The following SIPA1L3 variants were observed in gnomAD, a reference collection of about 807,000 sequenced individuals.
SIPA1L3 encodes the protein signal induced proliferation associated 1 like 3.
Under a neutral mutation model 150.1 loss-of-function variants are expected in SIPA1L3, and 59 were observed. That is an observed-to-expected ratio of 0.39 (90% CI 0.32 to 0.49). SIPA1L3 has a LOEUF of 0.49. Ranked by LOEUF, SIPA1L3 falls within the 20% of genes least tolerant of loss-of-function variation. The pLI is 0.86. For synonymous variants in SIPA1L3, 1,070 were observed against 1,077.6 expected (o/e 0.99, Z 0.14); for missense variants, 2,211 against 2,489.5 (o/e 0.89, Z 2.38).
intron 2 of SIPA1L3, among the ~76,000 whole-genome samples, chr19:38,077,969 C>A (rs371591953): frequency 6.6e-6 from 1 of 152,090 alleles, no homozygotes; most frequent in Admixed American, 6.5e-5. Context: ...CTGCGCCTGG[C>A]CAATATTTTT....
intron 1 of SIPA1L3, among the ~76,000 whole-genome samples, chr19:38,015,324 C>T (rs1443977135): frequency 2.6e-5 from 4 of 152,104 alleles, no homozygotes; most frequent in Admixed American, 6.6e-5. Flanking sequence ...TTACTGATGA[C>T]GAAGCAATGA....
Position 38,164,828 on chromosome 19 carries a change from G to C in SIPA1L3, c.4130G>C (p.Arg1377Pro). 1.2e-6 allele frequency: 2 copies of C among 1,608,698 alleles called. No individual in the cohort carries two copies. The highest frequency in any genetic ancestry group is 1.1e-5 in the South Asian group (1 of 90,624). Residue 1377 changes from arginine to proline, a missense_variant, in exon 15 of 22, where the codon CGA (arginine) becomes CCA (proline). Arg to Pro is a moderately radical substitution (Grantham distance 103). This residue lies in a region of SIPA1L3 where 806 missense variants were observed against 870.1 expected (regional missense o/e 0.93). Coordinates refer to ENST00000222345, the MANE Select transcript of SIPA1L3 (RefSeq NM_015073.3). The surrounding 1 kb of genome is among the most constrained non-coding windows in gnomAD (Gnocchi z 4.1). ...PAVAGQSKGYRPKLYSSGSST... is the reference protein window; with the variant it reads ...PAVAGQSKGYPPKLYSSGSST... ...GTTGCCGGCCAAAGCAAGGGCTACC[G>C]ACCGAAGCTGTACTCCTCCGGCTCC...
intron 7 of SIPA1L3, 94 bp downstream of exon 7, chr19:38,106,734 G>C: frequency 1.2e-6 from 1 of 842,192 alleles, no homozygotes; most frequent in Middle Eastern, 2.2e-4. Flanking sequence ...ATCATATGGA[G>C]GCCCTTGACC....
chr19:38,009,709 G>C (rs566321005), intron 1 of SIPA1L3, among the ~76,000 whole-genome samples: 2 of 152,074 alleles, frequency 1.3e-5, no homozygotes, highest in Non-Finnish European at 2.9e-5. Flanking sequence ...ATGCTAAGCC[G>C]CAGACCTGTG....
At chr19:38,092,852 A>ATTTTTT (rs56232582) in intron 4 of SIPA1L3, among the ~76,000 whole-genome samples, 4 of 115,952 alleles carry the variant, frequency 3.4e-5, no homozygotes, top group Non-Finnish European at 5.2e-5. Flanking sequence ...AGGTGCTTAG[A>ATTTTTT]TTTTTTTTTT....
chr19:38,013,405 GAA>G (rs1021144947), intron 1 of SIPA1L3, among the ~76,000 whole-genome samples: 1 of 148,486 alleles, frequency 6.7e-6, no homozygotes, highest in African/African-American at 2.5e-5. Context: ...AGCATGGGCT[GAA>G]AAAAAAAAGT....
intron 1 of SIPA1L3, among the ~76,000 whole-genome samples, chr19:37,931,984 G>C (rs1448823605): frequency 6.6e-6 from 1 of 152,248 alleles, no homozygotes; most frequent in Non-Finnish European, 1.5e-5. Flanking sequence ...ACAGCGCCTT[G>C]TGCAGTGAGC....
At chr19:38,167,052 G>T (rs1162902983) in intron 15 of SIPA1L3, among the ~76,000 whole-genome samples, 1 of 152,060 alleles carries the variant, frequency 6.6e-6, no homozygotes, top group Admixed American at 6.6e-5. Flanking sequence ...GGCCAACATG[G>T]TGAAACCCCA....
chr19:38,029,369 C>A (rs550442801), intron 2 of SIPA1L3, among the ~76,000 whole-genome samples: 1 of 152,144 alleles, frequency 6.6e-6, no homozygotes, highest in South Asian at 2.1e-4. Flanking sequence ...CACAAACATT[C>A]CTACATGCAC....
At chr19:37,942,706 G>A (rs935842497) in intron 1 of SIPA1L3, among the ~76,000 whole-genome samples, 4 of 152,022 alleles carry the variant, frequency 2.6e-5, no homozygotes, top group Admixed American at 6.6e-5. Context: ...GTAGAGTCCC[G>A]GATGAGAGTG....
At chr19:37,925,808 G>T (rs1210766379) in intron 1 of SIPA1L3, among the ~76,000 whole-genome samples, 1 of 152,076 alleles carries the variant, frequency 6.6e-6, no homozygotes, top group Non-Finnish European at 1.5e-5. Flanking sequence ...TGGCCAGGAT[G>T]GTCTCAAACT....
chr19:38,104,288 A>T (rs553572966), intron 6 of SIPA1L3, among the ~76,000 whole-genome samples: 12 of 152,344 alleles, frequency 7.9e-5, no homozygotes, highest in Admixed American at 3.9e-4. Context: ...GCATGTTATT[A>T]TGCCATTTGC....
chr19:37,991,404 G>A (rs1335898413), intron 1 of SIPA1L3, among the ~76,000 whole-genome samples: 1 of 152,224 alleles, frequency 6.6e-6, no homozygotes, highest in Non-Finnish European at 1.5e-5. Context: ...GGGGATGGGA[G>A]GAAGGCCCTG....
In SIPA1L3 at chr19:38,119,629, C is replaced by T. The variant is rs1446334216; in HGVS notation, c.2615C>T (p.Ala872Val). ...GAEQHSAGAI[A>V]WRVVAQDYAQ... ...GAGCAGCACAGTGCAGGGGCCATCGCCTGGAGGGTGGTGGCCCAGGACTAC... is the reference window on the plus strand; with the variant it reads ...GAGCAGCACAGTGCAGGGGCCATCGTCTGGAGGGTGGTGGCCCAGGACTAC... Residue 872 changes from alanine (A) to valine (V), a missense_variant, in exon 9 of 22, where the codon GCC becomes GTC. Coordinates refer to ENST00000222345, the MANE Select transcript of SIPA1L3 (RefSeq NM_015073.3). 1 of 1,614,184 alleles carries T rather than the reference C, an allele frequency of 6.2e-7. No homozygotes were observed. The highest frequency in any genetic ancestry group is 1.7e-5 in the Admixed American group (1 of 60,020).
chr19:38,023,359 C>G (rs1411725886), intron 1 of SIPA1L3, among the ~76,000 whole-genome samples: 1 of 152,156 alleles, frequency 6.6e-6, no homozygotes, highest in South Asian at 2.1e-4. Flanking sequence ...AGAACCAGCG[C>G]TAAATCATTA....
chr19:38,062,657 C>T (rs1969474011), intron 2 of SIPA1L3, among the ~76,000 whole-genome samples: 1 of 152,014 alleles, frequency 6.6e-6, no homozygotes, highest in Admixed American at 6.6e-5. Flanking sequence ...CTCTGTTGCC[C>T]AGGCTGTAGT....
At chr19:38,080,109 G>T (rs1490261349) in intron 2 of SIPA1L3, among the ~76,000 whole-genome samples, 2 of 152,090 alleles carry the variant, frequency 1.3e-5, no homozygotes, top group African/African-American at 4.8e-5. Context: ...AAAAAGTGAT[G>T]GGCTCTGATT....
intron 1 of SIPA1L3, among the ~76,000 whole-genome samples, chr19:38,001,110 T>G (rs763802685): frequency 1.3e-4 from 19 of 150,508 alleles, no homozygotes; most frequent in Non-Finnish European, 2.2e-4. Flanking sequence ...ACAGGAAAAA[T>G]GTTAAAAAGT....
At chr19:38,076,311 T>C (rs1335312263) in intron 2 of SIPA1L3, among the ~76,000 whole-genome samples, 2 of 152,086 alleles carry the variant, frequency 1.3e-5, no homozygotes, top group South Asian at 2.1e-4. Flanking sequence ...TATCAAAACT[T>C]ACACACACAC....
Sources: gnomAD v4.1 joint callset for allele counts (sites outside exome capture counted in the v4.1 genomes callset) on GRCh38, gnomAD v4.1.1 for gene constraint, gnomAD v4.1.1 regional missense constraint, Gnocchi (gnomAD v3.1) non-coding constraint, MANE v1.5 for transcripts, NCBI Gene and HGNC (gene_info 2026-07-23, HGNC 2026-07-21) for gene names.